Variants in CDIN1 observed in about 807,000 individuals in gnomAD.
CDIN1 encodes CDAN1 interacting nuclease 1.
Under a neutral mutation model 45.3 loss-of-function variants are expected in CDIN1, and 33 were observed. The ratio of observed to expected loss-of-function variants is 0.73; its 90% CI spans 0.55 to 0.97. CDIN1 has a LOEUF of 0.97. Ranked by LOEUF, CDIN1 falls within the 50% of genes least tolerant of loss-of-function variation. CDIN1 has a pLI of 0.00. For missense variants in CDIN1, 303 were observed against 339.4 expected, an observed-to-expected ratio of 0.89 and a Z score of 0.84; for synonymous variants, 118 against 124.4, an observed-to-expected ratio of 0.95 and a Z score of 0.34.
intron 10 of CDIN1, among the ~76,000 whole-genome samples, chr15:36,776,147 A>G (rs997776647): frequency 2.2e-4 from 33 of 152,238 alleles, no homozygotes; most frequent in Admixed American, 7.2e-4. Flanking sequence ...ACAGTTTTAC[A>G]GTAGGTTTTT....
chr15:36,782,828 T>C (rs1049012606), intron 10 of CDIN1, among the ~76,000 whole-genome samples: 2 of 152,190 alleles, frequency 1.3e-5, no homozygotes, highest in African/African-American at 4.8e-5. Context: ...AAAAAGAAGA[T>C]AAAACTTGCT....
intron 10 of CDIN1, among the ~76,000 whole-genome samples, chr15:36,779,309 T>C (rs2054294298): frequency 6.6e-6 from 1 of 152,216 alleles, no homozygotes; most frequent in Admixed American, 6.5e-5. Context: ...ACAGTTTTCT[T>C]ATTCTCTTAC....
intron 10 of CDIN1, among the ~76,000 whole-genome samples, chr15:36,795,512 T>C (rs2054771779): frequency 6.6e-6 from 1 of 152,132 alleles, no homozygotes; most frequent in South Asian, 2.1e-4. Context: ...TATGCAGCCC[T>C]TCTTTGTTGT....
chr15:36,602,643 T>C (rs1413832478), intron 1 of CDIN1, among the ~76,000 whole-genome samples: 2 of 152,202 alleles, frequency 1.3e-5, no homozygotes, highest in Admixed American at 6.5e-5. Context: ...GTTGGTTTTC[T>C]TGTGTAACTG....
intron 1 of CDIN1, among the ~76,000 whole-genome samples, chr15:36,602,250 A>G (rs2038143281): frequency 6.6e-6 from 1 of 152,208 alleles, no homozygotes; most frequent in African/African-American, 2.4e-5. Flanking sequence ...ATGTCCTCCA[A>G]TAACCAAACT....
At chr15:36,761,008 C>T (rs2053745978) in intron 10 of CDIN1, among the ~76,000 whole-genome samples, 1 of 152,186 alleles carries the variant, frequency 6.6e-6, no homozygotes, top group Non-Finnish European at 1.5e-5. Context: ...TTTCCTTCCC[C>T]TTGTTTTCAT....
At chr15:36,628,707 T>C (rs1043294452) in intron 1 of CDIN1, among the ~76,000 whole-genome samples, 1 of 152,164 alleles carries the variant, frequency 6.6e-6, no homozygotes, top group Non-Finnish European at 1.5e-5. Context: ...TATGAATCTT[T>C]AAGGCCAGAG....
chr15:36,614,618 C>G (rs111547960), intron 1 of CDIN1, among the ~76,000 whole-genome samples: 2,440 of 152,256 alleles, frequency 0.016, 25 homozygotes, highest in South Asian at 0.048. Flanking sequence ...ATATTCCCCT[C>G]TCCATAGAGG....
intron 10 of CDIN1, among the ~76,000 whole-genome samples, chr15:36,723,252 G>A (rs1595521030): frequency 6.6e-6 from 1 of 151,366 alleles, no homozygotes; most frequent in African/African-American, 2.4e-5. Context: ...TCTTATAGCT[G>A]GTATTTCATT....
intron 1 of CDIN1, among the ~76,000 whole-genome samples, chr15:36,596,586 G>A (rs1474615999): frequency 6.6e-6 from 1 of 152,030 alleles, no homozygotes; most frequent in East Asian, 1.9e-4. Context: ...TTGATATAAA[G>A]TGCTCTTATG....
intron 10 of CDIN1, among the ~76,000 whole-genome samples, chr15:36,792,812 GCTTT>G (rs1943601320): frequency 6.6e-6 from 1 of 152,048 alleles, no homozygotes; most frequent in South Asian, 2.1e-4. Flanking sequence ...ATAGGATTGG[GCTTT>G]CTATCAGTGT....
At chr15:36,600,363 G>A (rs955805837) in intron 1 of CDIN1, among the ~76,000 whole-genome samples, 26 of 152,280 alleles carry the variant, frequency 1.7e-4, no homozygotes, top group South Asian at 1.2e-3. Flanking sequence ...GTATGAAGGC[G>A]GGGTGCAATA....
At chr15:36,651,373 G>A (rs995159312) in intron 3 of CDIN1, among the ~76,000 whole-genome samples, 1 of 152,128 alleles carries the variant, frequency 6.6e-6, no homozygotes, top group South Asian at 2.1e-4. Flanking sequence ...TCATGATGAG[G>A]ATGCAGAGAA....
intron 10 of CDIN1, among the ~76,000 whole-genome samples, chr15:36,733,631 G>T (rs940354519): frequency 6.6e-6 from 1 of 151,950 alleles, no homozygotes; most frequent in Admixed American, 6.6e-5. Context: ...TTTTAAATCT[G>T]TGATTAGAAA....
At chr15:36,649,117 T>C (rs890162238) in intron 3 of CDIN1, among the ~76,000 whole-genome samples, 5 of 152,264 alleles carry the variant, frequency 3.3e-5, no homozygotes, top group African/African-American at 1.2e-4. Context: ...GACATACTAA[T>C]TACTGAAAAT....
In CDIN1 at chr15:36,606,501, T is replaced by A. The variant is rs140517074; in HGVS notation, c.101+26540T>A. ...ATGCGGAAATGAAGCTTAGAAGGAT[T>A]TCATGTGGTAAACTCTGTGACTGCA... is the stretch of plus-strand genomic sequence containing the variant. On this transcript the variant is annotated intron_variant, in intron 1 of 10. Transcript: ENST00000566621. 1.8e-3 allele frequency among the ~76,000 whole-genome samples: 267 copies of A among 152,256 alleles called. 2 individuals are homozygous for A. Among genetic ancestry groups the A allele is most frequent in the South Asian group, 2.3e-3 (11 of 4,824 alleles).
intron 1 of CDIN1, among the ~76,000 whole-genome samples, chr15:36,598,493 C>T (rs2037944798): frequency 6.6e-6 from 1 of 152,082 alleles, no homozygotes; most frequent in Non-Finnish European, 1.5e-5. Context: ...CCCTATTGAC[C>T]TTGCCTTTTG....
intron 1 of CDIN1, among the ~76,000 whole-genome samples, chr15:36,623,726 G>A (rs1824226756): frequency 6.6e-6 from 1 of 152,208 alleles, no homozygotes; most frequent in Non-Finnish European, 1.5e-5. Flanking sequence ...TCCACGAACT[G>A]TCTAAAACCT....
At chr15:36,593,559 G>A (rs1483684478) in intron 1 of CDIN1, among the ~76,000 whole-genome samples, 2 of 152,090 alleles carry the variant, frequency 1.3e-5, no homozygotes, top group Admixed American at 6.6e-5. Context: ...TTTTTATTTT[G>A]TTGTTATTAT....
Sources: gnomAD v4.1 joint callset for allele counts (sites outside exome capture counted in the v4.1 genomes callset) on GRCh38, gnomAD v4.1.1 for gene constraint, MANE v1.5 for transcripts, NCBI Gene and HGNC (gene_info 2026-07-23, HGNC 2026-07-21) for gene names.